The following USP46 variants were observed in gnomAD, a reference collection of about 807,000 sequenced individuals.
USP46 encodes the protein ubiquitin specific peptidase 46, also known as ubiquitin carboxyl-terminal hydrolase 46.
Under a neutral mutation model 44.4 loss-of-function variants are expected in USP46, and 12 were observed. The observed-to-expected ratio is 0.27, with a 90% confidence interval of 0.17 to 0.44. USP46 has a LOEUF of 0.44. Among genes scored for constraint, USP46 ranks in the 20% least tolerant of loss-of-function variants. The pLI is 1.00. For synonymous variants in USP46, 155 were observed against 161.5 expected, an observed-to-expected ratio of 0.96 and a Z score of 0.31; for missense variants, 248 against 444.8, an observed-to-expected ratio of 0.56 and a Z score of 3.98.
chr4:52,612,287 T>G (rs768643929), intron 4 of USP46, among the ~76,000 whole-genome samples: 10 of 152,196 alleles, frequency 6.6e-5, no homozygotes, highest in Non-Finnish European at 1.3e-4. Context: ...CACACATGCA[T>G]CCCCTCCCTT....
rs1717650964 is a variant in USP46, at chr4:52,627,810, C to T, written c.331+140G>A. ...ACTGGGCAGAGAAGAAATGTTGTTT[C>T]TTAAAAAATGACACCGAGTAGTTAA... On this transcript the variant is annotated intron_variant, in intron 3 of 8. Coordinates refer to ENST00000441222, the MANE Select transcript of USP46 (RefSeq NM_022832.4). 1.4e-5 allele frequency: 14 copies of T among 977,066 alleles called. 1 individual carries two copies. In the East Asian group the frequency reaches 3.7e-4, roughly 26 times the overall value. 60.5% of individuals were successfully genotyped at this position (977,066 alleles called of 1,614,324 possible).
intron 1 of USP46, among the ~76,000 whole-genome samples, chr4:52,649,481 T>A (rs979462306): frequency 1.3e-5 from 2 of 152,212 alleles, no homozygotes; most frequent in Non-Finnish European, 2.9e-5. Context: ...ATAGAAGTTG[T>A]TTTGTTTTTC....
Position 52,598,688 on chromosome 4 carries a change from A to G in USP46, c.939T>C (p.His313=). Residue 313 remains histidine (H), a synonymous_variant, in exon 8 of 9, where the codon CAT becomes CAC. Transcript: ENST00000441222. The part of the protein sequence containing the change: ...VHCGSGPNRG[H]YITIVKSHGF... The stretch of plus-strand genomic sequence containing the variant: ...CGTGACTTTTCACAATAGTGATATA[A>G]TGCCCACGATTAGGACCACTGGAAA... 1 of 1,609,266 alleles carries G rather than the reference A, an allele frequency of 6.2e-7. No homozygotes were observed. The highest frequency in any genetic ancestry group is 1.1e-5 in the South Asian group (1 of 89,324).
chr4:52,628,300 T>G lies in USP46; in HGVS notation c.118-137A>C, dbSNP rs1034164221. 6.8e-6 allele frequency: 5 copies of G among 739,802 alleles called. No individual in the cohort carries two copies. In the African/African-American group the frequency reaches 8.9e-5, roughly 13 times the overall value. The allele number at this position is 739,802 out of a possible 1,614,324, so 45.8% of individuals were successfully genotyped here. Reference sequence around the variant, plus strand: ...TGTATTGGAGTCCAGCTCACCATATTAGAAAACTAGTTAACTACTCTAAAC... The same window carrying G: ...TGTATTGGAGTCCAGCTCACCATATGAGAAAACTAGTTAACTACTCTAAAC... On this transcript the variant is annotated intron_variant, in intron 2 of 8. Coordinates refer to ENST00000441222, the MANE Select transcript of USP46 (RefSeq NM_022832.4).
chr4:52,599,270 G>C (rs1716362705), intron 7 of USP46, among the ~76,000 whole-genome samples: 1 of 151,948 alleles, frequency 6.6e-6, no homozygotes, highest in Non-Finnish European at 1.5e-5. Context: ...GTAGGGGTGG[G>C]GGTCAGGGCG....
chr4:52,638,080 G>A (rs1023029663), intron 1 of USP46, among the ~76,000 whole-genome samples: 3 of 152,136 alleles, frequency 2.0e-5, no homozygotes, highest in African/African-American at 4.8e-5. Flanking sequence ...CCATGATGAC[G>A]TTACCTTATG....
intron 6 of USP46, among the ~76,000 whole-genome samples, chr4:52,603,117 C>T (rs1009230474): frequency 1.3e-5 from 2 of 152,126 alleles, no homozygotes; most frequent in African/African-American, 4.8e-5. Context: ...GCAAGTAAAA[C>T]AACAGTAGAG....
chr4:52,653,324 G>A (rs1415506953), intron 1 of USP46, among the ~76,000 whole-genome samples: 3 of 151,734 alleles, frequency 2.0e-5, no homozygotes, highest in Admixed American at 1.3e-4. Flanking sequence ...TGGCCAACAT[G>A]GTGAAACCCT....
chr4:52,616,136 T>C (rs951421855), intron 4 of USP46, among the ~76,000 whole-genome samples: 7 of 152,182 alleles, frequency 4.6e-5, no homozygotes, highest in Non-Finnish European at 7.3e-5. Context: ...CAGGGGAAAT[T>C]TGGCTTCCAG....
rs966184466 is a variant in USP46, at chr4:52,659,005, G to A, written c.36+110C>T. 4 of 1,356,228 alleles carry A rather than the reference G, an allele frequency of 2.9e-6. No individual in the cohort carries two copies. The highest frequency in any genetic ancestry group is 3.9e-6 in the Non-Finnish European group (4 of 1,027,118). 84.0% of individuals were successfully genotyped at this position (1,356,228 alleles called of 1,614,324 possible). A position where few individuals can be genotyped will look rare whatever the true frequency, so the allele number is the denominator to read the frequency against. ...GGGGCCGGGAACTTCTGGCGGCGCG[G>A]ACCCCGCCGCCCCCGCCGCCCCAGC... On this transcript the variant is annotated intron_variant, in intron 1 of 8. Transcript: ENST00000441222. This position sits in a 1 kb window ranked among gnomAD's most constrained non-coding sequence, Gnocchi z 4.2.
intron 1 of USP46, among the ~76,000 whole-genome samples, chr4:52,643,593 C>T (rs1401739974): frequency 6.6e-6 from 1 of 152,212 alleles, no homozygotes; most frequent in Non-Finnish European, 1.5e-5. Context: ...GCAATTAGGT[C>T]TGATTCATTT....
intron 1 of USP46, among the ~76,000 whole-genome samples, chr4:52,642,948 G>A (rs1418083725): frequency 6.6e-6 from 1 of 152,102 alleles, no homozygotes; most frequent in Non-Finnish European, 1.5e-5. Context: ...GAAAGAAAGT[G>A]CATATGCAGA....
In USP46 at chr4:52,632,990, A is replaced by AAAGAAAGAAAGAAAAGAAAAGAAAAG; in HGVS notation, c.37-1847_37-1846insCTTTTCTTTTCTTTTCTTTCTTTCTT. Among the ~76,000 whole-genome samples, 61 of 66,276 alleles carry AAAGAAAGAAAGAAAAGAAAAGAAAAG rather than the reference A, an allele frequency of 9.2e-4. 1 individual carries two copies. Among genetic ancestry groups the AAAGAAAGAAAGAAAAGAAAAGAAAAG allele is most frequent in the South Asian group, 2.4e-3 (4 of 1,680 alleles). The allele number at this position is 66,276 out of a possible 152,430, so 43.5% of individuals were successfully genotyped here. A position where few individuals can be genotyped will look rare whatever the true frequency, so the allele number is the denominator to read the frequency against. ...AAAGAAAGAAAGAAAGAAAGAAAAGAAAAGAAAGAAAGAAAGAAAGAAAGA... is the reference window on the plus strand; with the variant it reads ...AAAGAAAGAAAGAAAGAAAGAAAAGAAAGAAAGAAAGAAAAGAAAAGAAAAGAAAGAAAGAAAGAAAGAAAGAAAGA... On this transcript the variant is annotated intron_variant, in intron 1 of 8. Transcript: ENST00000441222.
At position 52,632,918 on chromosome 4, in the gene USP46, GAGAAAGAAAGAAAGAA is replaced by G. The variant is rs58983073; in HGVS notation, c.37-1790_37-1775del. On this transcript the variant is annotated intron_variant, in intron 1 of 8. Transcript: ENST00000441222. ...AGGAAGGGAAAGAGAAAGAAAGAAA[GAGAAAGAAAGAAAGAA>G]AGAAAGAAAGAAAGAAAGAAAGAAA... is the stretch of plus-strand genomic sequence containing the variant. Among the ~76,000 whole-genome samples the G allele has an allele frequency of 1.8e-3, 63 of 35,194 alleles. 1 individual carries two copies. The highest frequency in any genetic ancestry group is 4.1e-3 in the African/African-American group (52 of 12,566). The allele number at this position is 35,194 out of a possible 152,430, so 23.1% of individuals were successfully genotyped here. A position where few individuals can be genotyped will look rare whatever the true frequency, so the allele number is the denominator to read the frequency against.
At chr4:52,630,969 A>C in intron 2 of USP46, 95 bp downstream of exon 2, 3 of 999,528 alleles carry the variant, frequency 3.0e-6, no homozygotes, top group Non-Finnish European at 4.5e-6. Context: ...ATGACCAATC[A>C]TTTAAAAATT....
chr4:52,641,958 A>G (rs370837479), intron 1 of USP46, among the ~76,000 whole-genome samples: 1 of 152,378 alleles, frequency 6.6e-6, no homozygotes, highest in East Asian at 1.9e-4. Flanking sequence ...CCACATTTGT[A>G]GATCTATCGT....
chr4:52,627,666 A>T (rs774539759), intron 3 of USP46, among the ~76,000 whole-genome samples: 3 of 152,246 alleles, frequency 2.0e-5, no homozygotes, highest in Non-Finnish European at 4.4e-5. Flanking sequence ...GCTGCCTTGG[A>T]CACTATTCTC....
In USP46 at chr4:52,634,509, CAAAA is replaced by C. The variant is rs1167932000; in HGVS notation, c.37-3369_37-3366del. Among the ~76,000 whole-genome samples the C allele has an allele frequency of 1.5e-4, 10 of 67,000 alleles. No individual in the cohort carries two copies. In the South Asian group the frequency reaches 2.7e-3, roughly 18 times the overall value. 44.0% of individuals were successfully genotyped at this position (67,000 alleles called of 152,430 possible). A position where few individuals can be genotyped will look rare whatever the true frequency, so the allele number is the denominator to read the frequency against. Reference sequence around the variant, plus strand: ...GGGCGACAAGAGCGAGACTTTGTCTCAAAAAAAAAAAAAAAAAAAATTCTCCTGC... The same window carrying C: ...GGGCGACAAGAGCGAGACTTTGTCTCAAAAAAAAAAAAAAAATTCTCCTGC... On this transcript the variant is annotated intron_variant, in intron 1 of 8. Transcript: ENST00000441222.
At chr4:52,641,241 C>T (rs534225913) in intron 1 of USP46, among the ~76,000 whole-genome samples, 4 of 152,108 alleles carry the variant, frequency 2.6e-5, no homozygotes, top group South Asian at 2.1e-4. Flanking sequence ...ATCACAGGGT[C>T]GGGAAGCATA....
Sources: gnomAD v4.1 joint callset for allele counts (sites outside exome capture counted in the v4.1 genomes callset) on GRCh38, gnomAD v4.1.1 for gene constraint, Gnocchi (gnomAD v3.1) non-coding constraint, MANE v1.5 for transcripts, NCBI Gene and HGNC (gene_info 2026-07-23, HGNC 2026-07-21) for gene names.